Variants in B3GAT2 observed in about 807,000 individuals in gnomAD.
B3GAT2 encodes the protein galactosylgalactosylxylosylprotein 3-beta-glucuronosyltransferase 2.
In B3GAT2, 26 loss-of-function variants were observed where a neutral mutation model predicts 27.8. The ratio of observed to expected loss-of-function variants is 0.93; its 90% CI spans 0.68 to 1.30. B3GAT2 has a LOEUF of 1.30. B3GAT2 is among the 50% of genes most tolerant of loss of function. The probability of loss-of-function intolerance (pLI) is 0.00; values close to 1 mark genes in which losing one functional copy is unlikely to be tolerated. For missense variants in B3GAT2, 458 were observed against 459.0 expected (o/e 1.00, Z 0.02); for synonymous variants, 218 against 195.1 (o/e 1.12, Z -0.98).
intron 1 of B3GAT2, among the ~76,000 whole-genome samples, chr6:70,945,795 G>C (rs921387560): frequency 6.6e-6 from 1 of 150,892 alleles, no homozygotes; most frequent in Non-Finnish European, 1.5e-5. Context: ...TTGAAATGAA[G>C]GAAAAAATGG....
intron 2 of B3GAT2, 148 bp from the exon 3 acceptor site, chr6:70,862,126 C>A: frequency 1.4e-6 from 1 of 691,384 alleles, no homozygotes; most frequent in Non-Finnish European, 2.4e-6. Context: ...GGAACATTAC[C>A]TGTATTACAG....
intron 1 of B3GAT2, among the ~76,000 whole-genome samples, chr6:70,935,573 T>A (rs942946903): frequency 2.0e-5 from 3 of 152,180 alleles, no homozygotes; most frequent in African/African-American, 4.8e-5. Context: ...ATCTACTGGA[T>A]ATATTTAAAT....
At position 70,936,305 on chromosome 6, in the gene B3GAT2, G is replaced by C. The variant is rs568803002; in HGVS notation, c.591+19534C>G. On this transcript the variant is annotated intron_variant, in intron 1 of 3. Transcript: ENST00000230053. ...TTAGACTCCCAAACAATAATAATGG[G>C]AGACTTTAACACCCCACTGTGAACA... 3.3e-5 allele frequency among the ~76,000 whole-genome samples: 5 copies of C among 152,126 alleles called. No homozygotes were observed. The South Asian group carries it at 1.0e-3, about 32-fold the overall frequency.
chr6:70,918,936 T>C (rs1772821958), intron 1 of B3GAT2, among the ~76,000 whole-genome samples: 1 of 152,216 alleles, frequency 6.6e-6, no homozygotes, highest in African/African-American at 2.4e-5. Context: ...ATTTGAATGT[T>C]GGCCTGCCTT....
At chr6:70,886,615 C>T (rs963723148) in intron 2 of B3GAT2, among the ~76,000 whole-genome samples, 5 of 152,106 alleles carry the variant, frequency 3.3e-5, no homozygotes, top group Non-Finnish European at 5.9e-5. Flanking sequence ...TCCCTCTCCA[C>T]GTCCACCCCA....
chr6:70,872,213 T>A (rs1771948800), intron 2 of B3GAT2, among the ~76,000 whole-genome samples: 1 of 151,972 alleles, frequency 6.6e-6, no homozygotes, highest in South Asian at 2.1e-4. Flanking sequence ...TACATCTAAT[T>A]GATTTACAGT....
At chr6:70,900,048 T>C (rs1452090241) in intron 1 of B3GAT2, among the ~76,000 whole-genome samples, 1 of 152,226 alleles carries the variant, frequency 6.6e-6, no homozygotes, top group African/African-American at 2.4e-5. Context: ...CATGTATTTA[T>C]AGGAGTTATA....
chr6:70,879,598 T>C (rs370055331), intron 2 of B3GAT2, among the ~76,000 whole-genome samples: 286 of 152,328 alleles, frequency 1.9e-3, no homozygotes, highest in African/African-American at 6.6e-3. Context: ...AGAGTCATTA[T>C]AGCCCAGGTG....
Position 70,860,125 on chromosome 6 carries a change from C to A in B3GAT2, c.*1538G>T, listed in dbSNP as rs1355531449. 6.8e-7 allele frequency: 1 copy of A among 1,474,000 alleles called. No homozygotes were observed. Among genetic ancestry groups the A allele is most frequent in the African/African-American group, 1.4e-5 (1 of 70,510 alleles). The allele number at this position is 1,474,000 out of a possible 1,614,324, so 91.3% of individuals were successfully genotyped here. A position where few individuals can be genotyped will look rare whatever the true frequency, so the allele number is the denominator to read the frequency against. ...GTTGTCACATTAATGAAAAAATGAC[C>A]AACTGTGTGGCTAAAGAAACAAGAA... On this transcript the variant is annotated 3_prime_UTR_variant, in exon 4 of 4. Transcript: ENST00000230053.
chr6:70,929,678 C>T (rs1343182906), intron 1 of B3GAT2, among the ~76,000 whole-genome samples: 1 of 152,118 alleles, frequency 6.6e-6, no homozygotes, highest in Non-Finnish European at 1.5e-5. Flanking sequence ...CAAACCACTG[C>T]TCAATGAAAT....
intron 1 of B3GAT2, among the ~76,000 whole-genome samples, chr6:70,904,961 C>T (rs1772574395): frequency 6.6e-6 from 1 of 152,132 alleles, no homozygotes; most frequent in Non-Finnish European, 1.5e-5. Flanking sequence ...TATGCTGCTT[C>T]ATTGGATGCA....
chr6:70,944,659 A>G lies in B3GAT2; in HGVS notation c.591+11180T>C, dbSNP rs1045631506. Among the ~76,000 whole-genome samples the G allele has an allele frequency of 7.9e-5, 12 of 152,152 alleles. 1 individual carries two copies. The highest frequency in any genetic ancestry group is 1.8e-4 in the Non-Finnish European group (12 of 68,028). ...TGAGGACAGGGCACAGACAAACAAA[A>G]AGATGGCAGTAACCTCTGCAGACTT... is the stretch of plus-strand genomic sequence containing the variant. On this transcript the variant is annotated intron_variant, in intron 1 of 3. Transcript: ENST00000230053.
intron 2 of B3GAT2, among the ~76,000 whole-genome samples, chr6:70,873,781 A>G (rs1401517242): frequency 6.6e-6 from 1 of 151,984 alleles, no homozygotes; most frequent in African/African-American, 2.4e-5. Flanking sequence ...CAATTTATCT[A>G]TGTTTCAAAT....
intron 1 of B3GAT2, among the ~76,000 whole-genome samples, chr6:70,950,392 A>G (rs1302756854): frequency 1.3e-5 from 2 of 152,122 alleles, no homozygotes; most frequent in African/African-American, 4.8e-5. Flanking sequence ...AACCAAGAAG[A>G]AAGACCTGAA....
intron 1 of B3GAT2, among the ~76,000 whole-genome samples, chr6:70,943,507 T>G (rs941617085): frequency 9.2e-5 from 14 of 152,224 alleles, no homozygotes; most frequent in African/African-American, 3.4e-4. Context: ...CATTCTACCC[T>G]GAAAATTATT....
At chr6:70,918,879 T>C (rs1194103464) in intron 1 of B3GAT2, among the ~76,000 whole-genome samples, 2 of 152,160 alleles carry the variant, frequency 1.3e-5, no homozygotes, top group South Asian at 2.1e-4. Context: ...TGTCTTGGGG[T>C]TGCTCTTCTC....
In B3GAT2 at chr6:70,935,628, T is replaced by C. The variant is rs112228608; in HGVS notation, c.591+20211A>G. Among the ~76,000 whole-genome samples, 1,411 of 152,104 alleles carry C rather than the reference T, an allele frequency of 9.3e-3. 11 individuals are homozygous for C. Among genetic ancestry groups the C allele is most frequent in the Middle Eastern group, 0.048 (14 of 294 alleles). On this transcript the variant is annotated intron_variant, in intron 1 of 3. Transcript: ENST00000230053. ...TTTATAATGCACTGGAAATCAAAAG[T>C]TTTGCAACAGTTTAAAATGATTTTT...
chr6:70,956,790 C>T lies in B3GAT2; in HGVS notation c.-361G>A. 1 of 1,095,194 alleles carries T rather than the reference C, an allele frequency of 9.1e-7. No homozygotes were observed. Among genetic ancestry groups the T allele is most frequent in the Non-Finnish European group, 1.1e-6 (1 of 900,096 alleles). The allele number at this position is 1,095,194 out of a possible 1,614,324, so 67.8% of individuals were successfully genotyped here. A position where few individuals can be genotyped will look rare whatever the true frequency, so the allele number is the denominator to read the frequency against. ...CGCGCTCTTTCTGAAGAGTGGAAGC[C>T]GAGAAGCGGCACCCGGTGCGCCTCG... On this transcript the variant is annotated 5_prime_UTR_variant, in exon 1 of 4. Coordinates refer to ENST00000230053, the MANE Select transcript of B3GAT2 (RefSeq NM_080742.3).
At chr6:70,942,923 T>C (rs1221401051) in intron 1 of B3GAT2, among the ~76,000 whole-genome samples, 3 of 152,160 alleles carry the variant, frequency 2.0e-5, no homozygotes, top group Non-Finnish European at 2.9e-5. Flanking sequence ...ACACTCAGCT[T>C]TCACTAGAGA....
Sources: allele counts gnomAD v4.1 joint callset (sites outside exome capture counted in the v4.1 genomes callset), GRCh38; gene constraint gnomAD v4.1.1; transcripts MANE v1.5; gene names NCBI Gene and HGNC (gene_info 2026-07-23, HGNC 2026-07-21).